The following MAN1A1 variants were observed in gnomAD, a reference collection of about 807,000 sequenced individuals.
MAN1A1 encodes mannosyl-oligosaccharide 1,2-alpha-mannosidase IA.
A neutral mutation model predicts 70.8 loss-of-function variants in MAN1A1; 29 were observed. The ratio of observed to expected loss-of-function variants is 0.41; its 90% confidence interval spans 0.31 to 0.56. MAN1A1 has a LOEUF of 0.56. Ranked by LOEUF, MAN1A1 falls within the 20% of genes least tolerant of loss-of-function variation. MAN1A1 has a pLI of 0.29. For synonymous variants in MAN1A1, 349 were observed against 330.1 expected (o/e 1.06, Z -0.62); for missense variants, 747 against 841.3 (o/e 0.89, Z 1.39).
At chr6:119,305,388 G>A (rs195091) in intron 3 of MAN1A1, among the ~76,000 whole-genome samples, 86,868 of 151,924 alleles carry the variant, frequency 0.57, 25,203 homozygotes, top group African/African-American at 0.65. Context: ...AAAAAATGTT[G>A]TAATAAACAA....
At chr6:119,198,088 T>A (rs1476386277) in intron 8 of MAN1A1, among the ~76,000 whole-genome samples, 1 of 152,220 alleles carries the variant, frequency 6.6e-6, no homozygotes, top group Non-Finnish European at 1.5e-5. Context: ...TGTCACCTTA[T>A]ACTTAGAAAA....
At chr6:119,187,973 A>G (rs1418669304) in intron 11 of MAN1A1, among the ~76,000 whole-genome samples, 1 of 152,250 alleles carries the variant, frequency 6.6e-6, no homozygotes, top group Admixed American at 6.5e-5. Flanking sequence ...TGCTTTCTAA[A>G]AGTTAGATCT....
At chr6:119,285,928 G>T (rs1582768423) in intron 5 of MAN1A1, among the ~76,000 whole-genome samples, 1 of 152,264 alleles carries the variant, frequency 6.6e-6, no homozygotes, top group African/African-American at 2.4e-5. Context: ...AAACCAGATT[G>T]CTGTTAATGC....
chr6:119,305,437 G>A (rs1040376908), intron 3 of MAN1A1, among the ~76,000 whole-genome samples: 2 of 151,778 alleles, frequency 1.3e-5, no homozygotes, highest in African/African-American at 4.8e-5. Flanking sequence ...TGAGGTTTCA[G>A]AGTTTCTCTC....
At chr6:119,256,154 T>TA (rs1221148055) in intron 5 of MAN1A1, among the ~76,000 whole-genome samples, 1 of 152,142 alleles carries the variant, frequency 6.6e-6, no homozygotes. Flanking sequence ...AGAATCAAGG[T>TA]AGCTGTCCTT....
intron 5 of MAN1A1, among the ~76,000 whole-genome samples, chr6:119,289,334 C>A (rs1335469149): frequency 6.6e-6 from 1 of 151,860 alleles, no homozygotes; most frequent in African/African-American, 2.4e-5. Flanking sequence ...ATGTCCAAAG[C>A]AATGAGAACA....
chr6:119,235,966 C>T (rs1774830927), intron 6 of MAN1A1, among the ~76,000 whole-genome samples: 1 of 151,888 alleles, frequency 6.6e-6, no homozygotes, highest in Non-Finnish European at 1.5e-5. Flanking sequence ...GGCAAAACCC[C>T]ATCTCTACTA....
At chr6:119,213,490 C>T (rs1774107325) in intron 6 of MAN1A1, among the ~76,000 whole-genome samples, 1 of 152,096 alleles carries the variant, frequency 6.6e-6, no homozygotes, top group Non-Finnish European at 1.5e-5. Context: ...GATAGATAAT[C>T]TTTTCAACAG....
At chr6:119,221,824 T>G (rs1206201988) in intron 6 of MAN1A1, among the ~76,000 whole-genome samples, 1 of 152,106 alleles carries the variant, frequency 6.6e-6, no homozygotes, top group African/African-American at 2.4e-5. Context: ...ACAGCAAGAG[T>G]GAGATAAACA....
intron 5 of MAN1A1, among the ~76,000 whole-genome samples, chr6:119,280,640 A>T (rs1776204601): frequency 6.6e-6 from 1 of 152,228 alleles, no homozygotes; most frequent in Admixed American, 6.5e-5. Context: ...CTTCTAAAGG[A>T]GATCACAATT....
intron 4 of MAN1A1, among the ~76,000 whole-genome samples, chr6:119,300,597 T>C (rs558583853): frequency 6.6e-6 from 1 of 152,190 alleles, no homozygotes; most frequent in East Asian, 1.9e-4. Flanking sequence ...AATGAAACCG[T>C]TTTTTTCCAG....
rs1554216778 is a variant in MAN1A1, at chr6:119,331,582, T to TATATATATATATAC, written c.603+16880_603+16881insGTATATATATATAT. On this transcript the variant is annotated intron_variant, in intron 2 of 12. Transcript: ENST00000368468. ...TGTACATATTATGCATATATATATA[T>TATATATATATATAC]ATATATATATATATATAATCAAGGG... Among the ~76,000 whole-genome samples, 1,295 of 144,712 alleles carry TATATATATATATAC rather than the reference T, an allele frequency of 8.9e-3. 32 individuals carry two copies. The highest frequency in any genetic ancestry group is 0.027 in the African/African-American group (1,040 of 38,920). 94.9% of individuals were successfully genotyped at this position (144,712 alleles called of 152,430 possible).
chr6:119,275,991 T>C (rs984764279), intron 5 of MAN1A1, among the ~76,000 whole-genome samples: 1 of 152,216 alleles, frequency 6.6e-6, no homozygotes, highest in African/African-American at 2.4e-5. Flanking sequence ...CCAGTACTGA[T>C]ACTGTGTACT....
At chr6:119,256,220 T>A (rs1260876433) in intron 5 of MAN1A1, among the ~76,000 whole-genome samples, 1 of 152,146 alleles carries the variant, frequency 6.6e-6, no homozygotes. Flanking sequence ...GGAAAACACT[T>A]CCAATTGTAA....
intron 6 of MAN1A1, chr6:119,211,005 T>C (rs1244029050): frequency 2.4e-6 from 1 of 413,248 alleles, no homozygotes; most frequent in South Asian, 1.8e-5. Context: ...TATATCAAGA[T>C]ATTTTTCTAA....
chr6:119,221,161 G>T, intron 6 of MAN1A1, among the ~76,000 whole-genome samples: 1 of 150,760 alleles, frequency 6.6e-6, no homozygotes. Context: ...ATTTTTTTAG[G>T]CTCCAATCTT....
In MAN1A1 at chr6:119,348,740, G is replaced by A; in HGVS notation, c.326C>T (p.Ala109Val). Residue 109 changes from alanine (A) to valine (V), a missense_variant, in exon 2 of 13, where the codon GCA becomes GTA. Physicochemically the swap from Ala to Val is moderately conservative, Grantham distance 64 (BLOSUM62 0). Transcript: ENST00000368468. Reference sequence around the variant, plus strand: ...CAGGGCGGCCTCCGGGTCCCCGGGTGCCCCCTCCTCGCGGCGCCGGGCTCG... The same window carrying A: ...CAGGGCGGCCTCCGGGTCCCCGGGTACCCCCTCCTCGCGGCGCCGGGCTCG... The part of the protein sequence containing the change: ...EGRARRREEG[A>V]PGDPEAALED... 1.3e-6 allele frequency: 2 copies of A among 1,568,240 alleles called. No homozygotes were observed. Among genetic ancestry groups the A allele is most frequent in the Non-Finnish European group, 1.7e-6 (2 of 1,160,050 alleles).
intron 5 of MAN1A1, among the ~76,000 whole-genome samples, chr6:119,248,689 CGCCAGGTGATTTCAATGTGCAA>C (rs1775235920): frequency 6.6e-6 from 1 of 152,114 alleles, no homozygotes; most frequent in Non-Finnish European, 1.5e-5. Context: ...TCACAGGCGA[CGCCAGGTGATTTCAATGTGCAA>C]GCCAGTGGGA....
At chr6:119,244,151 C>CT (rs762904864) in intron 6 of MAN1A1, among the ~76,000 whole-genome samples, 163 of 152,058 alleles carry the variant, frequency 1.1e-3, no homozygotes, top group Admixed American at 2.0e-3. Flanking sequence ...CTTGAATTAC[C>CT]TTTGCAAATA....
Sources: allele counts gnomAD v4.1 joint callset (sites outside exome capture counted in the v4.1 genomes callset), GRCh38; gene constraint gnomAD v4.1.1; transcripts MANE v1.5; gene names NCBI Gene and HGNC (gene_info 2026-07-23, HGNC 2026-07-21).